Variants in POLM observed in about 807,000 individuals in gnomAD.
The protein encoded by POLM is DNA polymerase mu, also known as DNA-directed DNA/RNA polymerase mu.
In POLM, 52 loss-of-function variants were observed where a neutral mutation model predicts 56.7. The observed-to-expected ratio is 0.92, with a 90% CI of 0.73 to 1.15. POLM has a LOEUF of 1.15. Among genes scored for constraint, POLM ranks in the 50% most tolerant of loss-of-function variants. The probability of loss-of-function intolerance (pLI) is 0.00; values close to 1 mark genes in which losing one functional copy is unlikely to be tolerated. For missense variants in POLM, 660 were observed against 663.6 expected (o/e 0.99, Z 0.06); for synonymous variants, 273 against 274.3 (o/e 1.00, Z 0.05).
chr7:44,076,239 G>A, intron 6 of POLM: 2 of 393,472 alleles, frequency 5.1e-6, no homozygotes, highest in South Asian at 5.5e-5. Context: ...CCAAGGCCCA[G>A]GCTGTCCCTG....
Position 44,076,524 on chromosome 7 carries a change from G to A in POLM, c.820C>T (p.Gln274Ter), listed in dbSNP as rs1586017383. Residue 274 changes from glutamine to a stop codon, truncating the protein, a stop_gained, in exon 6 of 11, where the codon CAA becomes TAA. Transcript: ENST00000242248. LOFTEE classifies it high-confidence loss of function. ...GAGGGCTCACCCGCTTTCTGCTGTT[G>A]GGTTAGTTTCTGGGGCTGCTCTCGG... ...DLREQPQKLT[Q>*]QQKAGLQHHQ... is the part of the protein sequence containing the mutation. The A allele has an allele frequency of 6.2e-7, 1 of 1,613,996 alleles. No individual in the cohort carries two copies. Among genetic ancestry groups the A allele is most frequent in the Non-Finnish European group, 8.5e-7 (1 of 1,179,978 alleles).
Position 44,073,773 on chromosome 7 carries a change from C to T in POLM, c.1314+10G>A. ...CCCACCCCCAGGCGGCCCAGCGGCA[C>T]ACTGCCTACCTTGGAGCCAGTCCAA... On this transcript the variant is annotated intron_variant, in intron 9 of 10. Transcript: ENST00000242248. 1 of 1,613,914 alleles carries T rather than the reference C, an allele frequency of 6.2e-7. No homozygotes were observed.
rs1455117166 is a variant in POLM at position 44,082,451 on chromosome 7, C to T, written c.-13G>A. 3 of 1,387,110 alleles carry T rather than the reference C, an allele frequency of 2.2e-6. No individual in the cohort carries two copies. Among genetic ancestry groups the T allele is most frequent in the South Asian group, 1.5e-5 (1 of 65,452 alleles). The allele number at this position is 1,387,110 out of a possible 1,614,324, so 85.9% of individuals were successfully genotyped here. On this transcript the variant is annotated 5_prime_UTR_variant, in exon 1 of 11. Transcript: ENST00000242248. The stretch of plus-strand genomic sequence containing the variant: ...GTTTGGGGAGCATTGGGACGACAGC[C>T]TCCAGCAGCGCGGAGCGAACGCAGA...
Position 44,072,872 on chromosome 7 carries a change from TG to T in POLM, c.*418del. On this transcript the variant is annotated 3_prime_UTR_variant, in exon 11 of 11. Coordinates refer to ENST00000242248, the MANE Select transcript of POLM (RefSeq NM_013284.4). ...AGTGCAGGTATGCATGGTTCTCTTC[TG>T]GGCATTCTGGGCAGGGTGCCCTGCA... 2.1e-6 allele frequency: 1 copy of T among 473,454 alleles called. No individual in the cohort carries two copies. Among genetic ancestry groups the T allele is most frequent in the Non-Finnish European group, 3.7e-6 (1 of 267,560 alleles). 29.3% of individuals were successfully genotyped at this position (473,454 alleles called of 1,614,324 possible).
At chr7:44,078,647 G>A in intron 5 of POLM, 93 bp downstream of exon 5, 1 of 1,158,034 alleles carries the variant, frequency 8.6e-7, no homozygotes, top group Middle Eastern at 1.9e-4. Context: ...TGGGTCAGCT[G>A]CCCCTGTTTG....
Position 44,076,496 on chromosome 7 carries a change from C to G in POLM, c.835+13G>C. On this transcript the variant is annotated intron_variant, in intron 6 of 10. Coordinates refer to ENST00000242248, the MANE Select transcript of POLM (RefSeq NM_013284.4). ...TAGGGAAGCCCAGGGCCCAGCCTCT[C>G]TGGAGGGCTCACCCGCTTTCTGCTG... The G allele has an allele frequency of 6.2e-7, 1 of 1,613,886 alleles. No homozygotes were observed. The highest frequency in any genetic ancestry group is 8.5e-7 in the Non-Finnish European group (1 of 1,179,922).
At position 44,080,852 on chromosome 7, in the gene POLM, G is replaced by A. The variant is rs1268796513; in HGVS notation, c.253C>T (p.Arg85Cys). Reference sequence around the variant, plus strand: ...CCCGGGGGAGCAGCTGCCATCCTGCGCTCCTGCCAGCTGACGGCCTCCTCT... The same window carrying A: ...CCCGGGGGAGCAGCTGCCATCCTGCACTCCTGCCAGCTGACGGCCTCCTCT... ...SAEEAVSWQE[R>C]RMAAAPPGCT... Residue 85 changes from arginine (R) to cysteine (C), a missense_variant, in exon 2 of 11, where the codon CGC becomes TGC. By Grantham distance (180) the Arg-to-Cys change is radical. Transcript: ENST00000242248. 7.5e-6 allele frequency: 12 copies of A among 1,609,274 alleles called. No homozygotes were observed. The highest frequency in any genetic ancestry group is 1.7e-5 in the Admixed American group (1 of 59,036).
chr7:44,074,537 G>A lies in POLM; in HGVS notation c.836-7C>T, dbSNP rs1412804820. 4 of 1,552,744 alleles carry A rather than the reference G, an allele frequency of 2.6e-6. No individual in the cohort carries two copies. The highest frequency in any genetic ancestry group is 1.4e-5 in the African/African-American group (1 of 74,056). ...TCCTGGTGGTGCTGGAGCCCTGGGG[G>A]CAACACCGGCCCTCCTGACTCACCC... On this transcript the variant is annotated splice_region_variant and splice_polypyrimidine_tract_variant and intron_variant, in intron 6 of 10. Coordinates refer to ENST00000242248, the MANE Select transcript of POLM (RefSeq NM_013284.4).
At chr7:44,076,689 A>C (rs1586018017) in intron 5 of POLM, 60 bp from the exon 6 acceptor site, 1 of 1,599,612 alleles carries the variant, frequency 6.3e-7, no homozygotes, top group Non-Finnish European at 8.5e-7. Flanking sequence ...TCGGATGATC[A>C]CCCGCTCCGG....
chr7:44,082,442 G>T lies in POLM; in HGVS notation c.-4C>A. 7.6e-7 allele frequency: 1 copy of T among 1,313,640 alleles called. No homozygotes were observed. The allele number at this position is 1,313,640 out of a possible 1,614,324, so 81.4% of individuals were successfully genotyped here. ...CTCGCCGCCGTTTGGGGAGCATTGG[G>T]ACGACAGCCTCCAGCAGCGCGGAGC... On this transcript the variant is annotated 5_prime_UTR_variant, in exon 1 of 11. Transcript: ENST00000242248.
In POLM at chr7:44,074,252, C is replaced by G; in HGVS notation, c.969-19G>C. The G allele has an allele frequency of 6.4e-7, 1 of 1,558,688 alleles. No homozygotes were observed. Among genetic ancestry groups the G allele is most frequent in the Non-Finnish European group, 8.7e-7 (1 of 1,150,000 alleles). On this transcript the variant is annotated intron_variant, in intron 7 of 10. Coordinates refer to ENST00000242248, the MANE Select transcript of POLM (RefSeq NM_013284.4). ...CTTCCCCCTGAGGGCGTCAGTCTGA[C>G]TCTGACTCAGGGACACGGCCTGCTC...
intron 2 of POLM, 53 bp from the exon 3 acceptor site, chr7:44,080,012 GC>G: frequency 1.5e-6 from 2 of 1,319,668 alleles, no homozygotes; most frequent in Non-Finnish European, 2.2e-6. Context: ...TGGCAGGAGA[GC>G]CAGGCCGTAC....
In POLM at chr7:44,082,500, G is replaced by A. The variant is rs1279766121; in HGVS notation, c.-62C>T. ...GAGGGAAACTCCGAGCGAGACGGAAGGAAGCCCCAGTGAGGCTGACGGAAG... is the reference window on the plus strand; with the variant it reads ...GAGGGAAACTCCGAGCGAGACGGAAAGAAGCCCCAGTGAGGCTGACGGAAG... On this transcript the variant is annotated 5_prime_UTR_variant, in exon 1 of 11. Transcript: ENST00000242248. 5.2e-5 allele frequency: 23 copies of A among 440,948 alleles called. No individual in the cohort carries two copies. The Admixed American group carries it at 1.0e-3, about 20-fold the overall frequency. 27.3% of individuals were successfully genotyped at this position (440,948 alleles called of 1,614,324 possible). A position where few individuals can be genotyped will look rare whatever the true frequency, so the allele number is the denominator to read the frequency against.
Position 44,076,349 on chromosome 7 carries a change from A to G in POLM, c.835+160T>C, listed in dbSNP as rs950576956. On this transcript the variant is annotated intron_variant, in intron 6 of 10. Coordinates refer to ENST00000242248, the MANE Select transcript of POLM (RefSeq NM_013284.4). ...GTCCACTGAGAAAAGGCTTTGATAG[A>G]TCCTGACTGCACTGGGTGGAGACCC... The G allele has an allele frequency of 2.0e-5, 16 of 790,794 alleles. No individual in the cohort carries two copies. In the Admixed American group the frequency reaches 4.3e-4, roughly 21 times the overall value. 49.0% of individuals were successfully genotyped at this position (790,794 alleles called of 1,614,324 possible). A position where few individuals can be genotyped will look rare whatever the true frequency, so the allele number is the denominator to read the frequency against.
rs1321151543 is a variant in POLM at position 44,073,168 on chromosome 7, C to A, written c.*123G>T. The A allele has an allele frequency of 1.3e-6, 2 of 1,563,900 alleles. No homozygotes were observed. Among genetic ancestry groups the A allele is most frequent in the African/African-American group, 2.7e-5 (2 of 73,532 alleles). Reference sequence around the variant, plus strand: ...CAGGCACAATTGACCTCCGGAAGAGCCAGGCCTTGGCGGGGAGGGGTGAAG... The same window carrying A: ...CAGGCACAATTGACCTCCGGAAGAGACAGGCCTTGGCGGGGAGGGGTGAAG... On this transcript the variant is annotated 3_prime_UTR_variant, in exon 11 of 11. Transcript: ENST00000242248.
In POLM at chr7:44,079,704, T is replaced by C. The variant is rs1187849538; in HGVS notation, c.509A>G (p.Glu170Gly). The change falls in exon 4 of 11, where the codon GAA becomes GGA. Residue 170 changes from glutamate (E) to glycine (G), a missense_variant. Coordinates refer to ENST00000242248, the MANE Select transcript of POLM (RefSeq NM_013284.4). ...LEILAEAAGF[E>G]GSEGRLLTFC... ...GGTGAGGAGGCGGCCCTCACTGCCT[T>C]CAAAGCCTGCTGCCTCGGCCAGTAT... 6.2e-7 allele frequency: 1 copy of C among 1,611,866 alleles called. No homozygotes were observed. The highest frequency in any genetic ancestry group is 8.5e-7 in the Non-Finnish European group (1 of 1,178,922).
At chr7:44,076,696 C>A in intron 5 of POLM, 67 bp from the exon 6 acceptor site, 1 of 1,593,126 alleles carries the variant, frequency 6.3e-7, no homozygotes. Context: ...ATCACCCGCT[C>A]CGGGACGGTG....
At position 44,072,918 on chromosome 7, in the gene POLM, G is replaced by A. The variant is rs963943562; in HGVS notation, c.*373C>T. On this transcript the variant is annotated 3_prime_UTR_variant, in exon 11 of 11. Coordinates refer to ENST00000242248, the MANE Select transcript of POLM (RefSeq NM_013284.4). ...CCTGCAGGAGCCACAGTTAACTGCA[G>A]TGCAACTAATGAGACACTGCACATC... 3.8e-6 allele frequency: 2 copies of A among 521,014 alleles called. No individual in the cohort carries two copies. The highest frequency in any genetic ancestry group is 1.9e-5 in the African/African-American group (1 of 53,190). 32.3% of individuals were successfully genotyped at this position (521,014 alleles called of 1,614,324 possible). A position where few individuals can be genotyped will look rare whatever the true frequency, so the allele number is the denominator to read the frequency against.
rs756881337 is a variant in POLM, at chr7:44,079,608, A to T, written c.605T>A (p.Leu202His). Reference sequence around the variant, plus strand: ...AGAGGAGTGTTCTCCAAAGTGGGGAAGCCCCTGCAGCTGGCTCAGGGTTGT... The same window carrying T: ...AGAGGAGTGTTCTCCAAAGTGGGGATGCCCCTGCAGCTGGCTCAGGGTTGT... ...PVTTLSQLQGLPHFGEHSSRV... is the reference protein window; with the variant it reads ...PVTTLSQLQGHPHFGEHSSRV... Residue 202 changes from leucine to histidine, a missense_variant, in exon 4 of 11, where the codon CTT becomes CAT. Physicochemically the swap from Leu to His is moderately conservative, Grantham distance 99. Transcript: ENST00000242248. 3 of 1,613,752 alleles carry T rather than the reference A, an allele frequency of 1.9e-6. No individual in the cohort carries two copies. The highest frequency in any genetic ancestry group is 2.7e-5 in the African/African-American group (2 of 74,908).
Sources: gnomAD v4.1 joint callset for allele counts on GRCh38, gnomAD v4.1.1 for gene constraint, MANE v1.5 for transcripts, NCBI Gene and HGNC (gene_info 2026-07-23, HGNC 2026-07-21) for gene names.